LPIN2: variants seen among roughly 807,000 people sequenced by gnomAD.
LPIN2 encodes the protein phosphatidate phosphatase LPIN2.
LPIN2 carries 55 observed loss-of-function variants against 111.4 expected under a neutral mutation model. The ratio of observed to expected loss-of-function variants is 0.49; its 90% CI spans 0.40 to 0.62. The LOEUF is 0.62. Among genes scored for constraint, LPIN2 ranks in the 20% least tolerant of loss-of-function variants. The pLI is 0.00. For missense variants in LPIN2, 992 were observed against 1,112.1 expected, an observed-to-expected ratio of 0.89 and a Z score of 1.54; for synonymous variants, 425 against 414.0, an observed-to-expected ratio of 1.03 and a Z score of -0.32.
intron 11 of LPIN2, among the ~76,000 whole-genome samples, 172 bp downstream of exon 11, chr18:2,928,419 G>A (rs2077167256): frequency 6.6e-6 from 1 of 152,140 alleles, no homozygotes; most frequent in Non-Finnish European, 1.5e-5. Context: ...CCCAGAGTTT[G>A]GGCATGAGAT....
chr18:3,001,036 C>T (rs1405938944), intron 1 of LPIN2, among the ~76,000 whole-genome samples: 1 of 152,092 alleles, frequency 6.6e-6, no homozygotes, highest in African/African-American at 2.4e-5. Flanking sequence ...AAAAAGGTAA[C>T]TTCTCAAAAG....
intron 1 of LPIN2, among the ~76,000 whole-genome samples, chr18:2,981,788 G>GTTTA (rs1337797192): frequency 0.023 from 3,473 of 152,252 alleles, 118 homozygotes; most frequent in African/African-American, 0.079. Context: ...GCAAAAAGCA[G>GTTTA]AGTGTGATAA....
chr18:2,920,444 G>A lies in LPIN2; in HGVS notation c.2547-7C>T. 6.2e-7 allele frequency: 1 copy of A among 1,613,540 alleles called. No homozygotes were observed. The highest frequency in any genetic ancestry group is 2.2e-5 in the East Asian group (1 of 44,874). On this transcript the variant is annotated splice_region_variant and splice_polypyrimidine_tract_variant and intron_variant, in intron 19 of 19. Coordinates refer to ENST00000677752, the MANE Select transcript of LPIN2 (RefSeq NM_001375808.2). ...CTCACTCAGCCTGTGATACCTAAGA[G>A]AAAGGTTGGGGAAGAGGCACAGGCT...
intron 2 of LPIN2, among the ~76,000 whole-genome samples, chr18:2,958,173 A>AAAAAAAAAAAAAAAAAAAT (rs2077650874): frequency 7.9e-6 from 1 of 126,256 alleles, no homozygotes. Flanking sequence ...AAAAAAAAAA[A>AAAAAAAAAAAAAAAAAAAT]CAGAAAAAAG....
chr18:2,987,520 C>T (rs542993157), intron 1 of LPIN2, among the ~76,000 whole-genome samples: 3 of 152,266 alleles, frequency 2.0e-5, no homozygotes, highest in South Asian at 2.1e-4. Flanking sequence ...TTTTTTTCCA[C>T]GTGGACATTT....
chr18:2,964,739 A>C (rs2077767112), intron 1 of LPIN2, among the ~76,000 whole-genome samples: 1 of 152,232 alleles, frequency 6.6e-6, no homozygotes, highest in Admixed American at 6.5e-5. Flanking sequence ...GGATCGTTAC[A>C]GTTGACAGAG....
intron 1 of LPIN2, among the ~76,000 whole-genome samples, chr18:2,962,848 T>TA: frequency 6.6e-6 from 1 of 152,278 alleles, no homozygotes; most frequent in African/African-American, 2.4e-5. Context: ...GACCTTTTCT[T>TA]AAAATAAACA....
chr18:2,974,427 T>C (rs1244909061), intron 1 of LPIN2, among the ~76,000 whole-genome samples: 1 of 152,222 alleles, frequency 6.6e-6, no homozygotes, highest in Non-Finnish European at 1.5e-5. Flanking sequence ...TGGGGGAGCC[T>C]GTTATTAGAG....
chr18:2,934,540 G>T (rs945133490), intron 7 of LPIN2, 90 bp from the exon 8 acceptor site: 3 of 807,696 alleles, frequency 3.7e-6, no homozygotes, highest in Non-Finnish European at 4.2e-6. Context: ...CAGTAAGAGT[G>T]ACAAGCAGGA....
chr18:2,993,986 G>A (rs2078303959), intron 1 of LPIN2, among the ~76,000 whole-genome samples: 1 of 152,152 alleles, frequency 6.6e-6, no homozygotes, highest in South Asian at 2.1e-4. Context: ...ACTGCTATTT[G>A]AAAGATGAGA....
chr18:2,933,769 C>G (rs2077246282), intron 8 of LPIN2, among the ~76,000 whole-genome samples: 1 of 152,028 alleles, frequency 6.6e-6, no homozygotes, highest in African/African-American at 2.4e-5. Flanking sequence ...CTTGGGAAGG[C>G]AGTCCAAGTG....
chr18:3,001,889 G>A (rs1157740308), intron 1 of LPIN2, among the ~76,000 whole-genome samples: 1 of 152,128 alleles, frequency 6.6e-6, no homozygotes, highest in African/African-American at 2.4e-5. Flanking sequence ...AACTACTTAA[G>A]GGAAGGAAAA....
rs758666065 is a variant in LPIN2, at chr18:2,925,336, C to T, written c.1826G>A (p.Gly609Glu). 1 of 1,614,020 alleles carries T rather than the reference C, an allele frequency of 6.2e-7. No individual in the cohort carries two copies. Residue 609 changes from glycine (G) to glutamate (E), a missense_variant, in exon 14 of 20, where the codon GGA becomes GAA. Physicochemically the swap from Gly to Glu is moderately conservative, Grantham distance 98 (BLOSUM62 -2). This residue lies in a region of LPIN2 where 709 missense variants were observed against 753.2 expected (regional missense o/e 0.94). Transcript: ENST00000677752. The surrounding 1 kb of genome is among the most constrained non-coding windows in gnomAD (Gnocchi z 4.1). The stretch of plus-strand genomic sequence containing the variant: ...GATGGATTCTTCGAGCTCCTGTGAT[C>T]CCTCGTCACTCGAGGAGTCATTCTC... ...PAENDSSSDE[G>E]SQELEESITV...
Position 2,920,382 on chromosome 18 carries a change from G to C in LPIN2, c.2602C>G (p.Gln868Glu). ...TCCGGGCAGGGAAAAGCGGAATTCT[G>C]CTCCTTACTGAGAAGGGGGAACACA... is the stretch of plus-strand genomic sequence containing the variant. Reference protein sequence around the residue: ...EHVFPLLSKEQNSAFPCPEFS... With the variant: ...EHVFPLLSKEENSAFPCPEFS... The change falls in exon 20 of 20, where the codon CAG becomes GAG. Residue 868 changes from glutamine (Q) to glutamate (E), a missense_variant. Gln to Glu is a conservative substitution (Grantham distance 29, BLOSUM62 2). This residue lies in a region of LPIN2 where 185 missense variants were observed against 186.5 expected (regional missense o/e 0.99). Coordinates refer to ENST00000677752, the MANE Select transcript of LPIN2 (RefSeq NM_001375808.2). 6.2e-7 allele frequency: 1 copy of C among 1,614,080 alleles called. No individual in the cohort carries two copies. The highest frequency in any genetic ancestry group is 8.5e-7 in the Non-Finnish European group (1 of 1,180,044).
At chr18:2,983,888 A>G (rs1459535426) in intron 1 of LPIN2, among the ~76,000 whole-genome samples, 1 of 152,164 alleles carries the variant, frequency 6.6e-6, no homozygotes, top group African/African-American at 2.4e-5. Context: ...ATGCTGCTCT[A>G]AGGCCCCGAG....
chr18:2,919,621 G>C lies in LPIN2; in HGVS notation c.*672C>G, dbSNP rs1241958968. The C allele has an allele frequency of 4.5e-5, 7 of 154,802 alleles. 1 individual carries two copies. In the South Asian group the frequency reaches 1.4e-3, roughly 31 times the overall value. The allele number at this position is 154,802 out of a possible 1,614,324, so 9.6% of individuals were successfully genotyped here. A position where few individuals can be genotyped will look rare whatever the true frequency, so the allele number is the denominator to read the frequency against. On this transcript the variant is annotated 3_prime_UTR_variant, in exon 20 of 20. Transcript: ENST00000677752. ...CTTCTGGTGAGGACTAAGAAATTAA[G>C]GGCTCGTGGAGTTGTCACAGATGAG...
At position 2,984,318 on chromosome 18, in the gene LPIN2, T is replaced by C. The variant is rs117619328; in HGVS notation, c.-9-23469A>G. On this transcript the variant is annotated intron_variant, in intron 1 of 19. Coordinates refer to ENST00000677752, the MANE Select transcript of LPIN2 (RefSeq NM_001375808.2). ...CACCAAAGTGCCCAGTCACTTGCGA[T>C]CTAATTCAACACACATCATGTACAC... Among the ~76,000 whole-genome samples, 528 of 152,316 alleles carry C rather than the reference T, an allele frequency of 3.5e-3. 3 individuals carry two copies. Among genetic ancestry groups the C allele is most frequent in the Non-Finnish European group, 4.1e-3 (278 of 68,040 alleles).
chr18:2,966,608 A>G (rs981325815), intron 1 of LPIN2, among the ~76,000 whole-genome samples: 3 of 152,228 alleles, frequency 2.0e-5, no homozygotes, highest in Admixed American at 6.5e-5. Flanking sequence ...AAAAGCCTTC[A>G]TGAAGCCTCC....
chr18:2,958,167 A>AAAAAAAAC (rs1312522605), intron 2 of LPIN2, among the ~76,000 whole-genome samples: 1 of 146,132 alleles, frequency 6.8e-6, no homozygotes, highest in Non-Finnish European at 1.5e-5. Context: ...ACAACAAAAA[A>AAAAAAAAC]AAAAAACAGA....
Sources: gnomAD v4.1 joint callset for allele counts (sites outside exome capture counted in the v4.1 genomes callset) on GRCh38, gnomAD v4.1.1 for gene constraint, gnomAD v4.1.1 regional missense constraint, Gnocchi (gnomAD v3.1) non-coding constraint, MANE v1.5 for transcripts, NCBI Gene and HGNC (gene_info 2026-07-23, HGNC 2026-07-21) for gene names.